Variants in RBFOX1 observed in about 807,000 individuals in gnomAD.
RBFOX1 encodes RNA binding fox-1 homolog 1.
In RBFOX1, 8 loss-of-function variants were observed where a neutral mutation model predicts 57.7. The observed-to-expected ratio is 0.14, with a 90% CI of 0.08 to 0.25. The LOEUF (loss-of-function observed/expected upper bound fraction) is 0.25, where lower values mean the gene tolerates loss of function less well. RBFOX1 is among the 10% of genes least tolerant of loss of function. The pLI is 1.00. For synonymous variants in RBFOX1, 326 were observed against 222.4 expected (o/e 1.47, Z -4.15); for missense variants, 611 against 548.5 (o/e 1.11, Z -1.14).
chr16:6,801,637 G>T (rs1219296301), intron 3 of RBFOX1, among the ~76,000 whole-genome samples: 1 of 151,928 alleles, frequency 6.6e-6, no homozygotes, highest in East Asian at 1.9e-4. Flanking sequence ...CAGCTAATTG[G>T]GCAGGAAAGG....
chr16:7,007,478 C>T (rs1453873144), intron 3 of RBFOX1, among the ~76,000 whole-genome samples: 6 of 152,084 alleles, frequency 3.9e-5, no homozygotes, highest in Non-Finnish European at 8.8e-5. Context: ...CTAGAAAATC[C>T]TATTTGTCAT....
intron 4 of RBFOX1, among the ~76,000 whole-genome samples, chr16:7,242,019 G>C (rs569476524): frequency 2.0e-5 from 3 of 151,300 alleles, no homozygotes; most frequent in Non-Finnish European, 4.4e-5. Flanking sequence ...CCCTTTTTTT[G>C]TGCAGTGTCC....
chr16:6,822,799 C>T lies in RBFOX1; in HGVS notation c.-16+168149C>T, dbSNP rs184463029. Among the ~76,000 whole-genome samples, 336 of 152,286 alleles carry T rather than the reference C, an allele frequency of 2.2e-3. 1 individual carries two copies. The highest frequency in any genetic ancestry group is 7.3e-3 in the African/African-American group (303 of 41,558). On this transcript the variant is annotated intron_variant, in intron 3 of 15. Transcript: ENST00000550418. ...ACAAGCGCGAGTATGGTCTGACTCTCCAACCAGGTTAAGCCTTTTGAGAGC... is the reference window on the plus strand; with the variant it reads ...ACAAGCGCGAGTATGGTCTGACTCTTCAACCAGGTTAAGCCTTTTGAGAGC...
chr16:5,327,955 A>G (rs1020273998), intron 1 of RBFOX1, among the ~76,000 whole-genome samples: 5 of 152,130 alleles, frequency 3.3e-5, no homozygotes, highest in Admixed American at 2.0e-4. Context: ...GATTATTTCT[A>G]CGAGTGAGGA....
intron 2 of RBFOX1, among the ~76,000 whole-genome samples, chr16:6,460,449 A>T (rs1439409552): frequency 6.8e-6 from 1 of 146,990 alleles, no homozygotes; most frequent in Admixed American, 7.1e-5. Flanking sequence ...CTATGAACAG[A>T]CACTTCTCAA....
chr16:7,184,462 C>T lies in RBFOX1; in HGVS notation c.27+132364C>T, dbSNP rs111342994. On this transcript the variant is annotated intron_variant, in intron 4 of 15. Transcript: ENST00000550418. ...ATGACCCAGGGTGTCTGTTCATCTGCATTGCATGCATGTTTTTACCTCCTC... is the reference window on the plus strand; with the variant it reads ...ATGACCCAGGGTGTCTGTTCATCTGTATTGCATGCATGTTTTTACCTCCTC... 1.7e-3 allele frequency among the ~76,000 whole-genome samples: 257 copies of T among 152,334 alleles called. 1 individual carries two copies. The highest frequency in any genetic ancestry group is 5.9e-3 in the African/African-American group (247 of 41,590).
At chr16:5,793,785 G>A (rs1490691031) in intron 3 of RBFOX1, among the ~76,000 whole-genome samples, 1 of 152,020 alleles carries the variant, frequency 6.6e-6, no homozygotes, top group Non-Finnish European at 1.5e-5. Context: ...ATGTGCATGT[G>A]CATGTGTGTG....
In RBFOX1 at chr16:6,960,920, G is replaced by T. The variant is rs533067763; in HGVS notation, c.-15-91137G>T. Reference sequence around the variant, plus strand: ...AGGCCAAGGTGGGCGGATCACTTGAGGTCAGGAGACCAGCCTGGCCAACGT... The same window carrying T: ...AGGCCAAGGTGGGCGGATCACTTGATGTCAGGAGACCAGCCTGGCCAACGT... On this transcript the variant is annotated intron_variant, in intron 3 of 15. Coordinates refer to ENST00000550418, the MANE Select transcript of RBFOX1 (RefSeq NM_018723.4). Among the ~76,000 whole-genome samples, 5 of 149,944 alleles carry T rather than the reference G, an allele frequency of 3.3e-5. No individual in the cohort carries two copies. In the East Asian group the frequency reaches 9.9e-4, roughly 30 times the overall value.
intron 4 of RBFOX1, among the ~76,000 whole-genome samples, chr16:7,136,686 G>A (rs2072090373): frequency 6.6e-6 from 1 of 152,064 alleles, no homozygotes; most frequent in Non-Finnish European, 1.5e-5. Flanking sequence ...CAAAGTGTTG[G>A]GATTACGGGT....
In RBFOX1 at chr16:7,591,651, A is replaced by C. The variant is rs75118593; in HGVS notation, c.469-3898A>C. Among the ~76,000 whole-genome samples, 613 of 152,160 alleles carry C rather than the reference A, an allele frequency of 4.0e-3. 4 individuals carry two copies. Among genetic ancestry groups the C allele is most frequent in the African/African-American group, 0.014 (585 of 41,504 alleles). On this transcript the variant is annotated intron_variant, in intron 7 of 15. Coordinates refer to ENST00000550418, the MANE Select transcript of RBFOX1 (RefSeq NM_018723.4). ...CTTTTCTTCAGTAGCATTAAAGGTAAACTCTGGGAAGGTGTGTCTCTGACT... is the reference window on the plus strand; with the variant it reads ...CTTTTCTTCAGTAGCATTAAAGGTACACTCTGGGAAGGTGTGTCTCTGACT...
intron 4 of RBFOX1, among the ~76,000 whole-genome samples, chr16:7,383,978 C>G (rs1204440277): frequency 6.6e-6 from 1 of 151,098 alleles, no homozygotes; most frequent in Admixed American, 6.6e-5. Flanking sequence ...CACTTGAACC[C>G]AGTAGGTGGA....
intron 4 of RBFOX1, among the ~76,000 whole-genome samples, chr16:7,154,404 G>T (rs1232862298): frequency 6.6e-6 from 1 of 152,178 alleles, no homozygotes; most frequent in African/African-American, 2.4e-5. Context: ...GAATGTGGGA[G>T]GAAGTTTGAA....
In RBFOX1 at chr16:6,190,193, A is replaced by G. The variant is rs981437424; in HGVS notation, c.-126-126802A>G. Among the ~76,000 whole-genome samples the G allele has an allele frequency of 8.5e-5, 13 of 152,324 alleles. No homozygotes were observed. In the East Asian group the frequency reaches 1.5e-3, roughly 18 times the overall value. ...GTGCTTCAAATTCTGTAGATGTTCA[A>G]TAAGTATTTAAATCAATGAATGAAT... On this transcript the variant is annotated intron_variant, in intron 1 of 15. Transcript: ENST00000550418.
intron 4 of RBFOX1, among the ~76,000 whole-genome samples, chr16:7,411,363 G>A (rs1472421287): frequency 6.6e-6 from 1 of 151,990 alleles, no homozygotes; most frequent in Non-Finnish European, 1.5e-5. Flanking sequence ...TTCCCCGACA[G>A]TGTATGGAAT....
chr16:7,241,370 G>A (rs997363573), intron 4 of RBFOX1, among the ~76,000 whole-genome samples: 4 of 152,174 alleles, frequency 2.6e-5, no homozygotes, highest in African/African-American at 7.2e-5. Context: ...GAAAGAGCAT[G>A]TGATTCCCTG....
intron 3 of RBFOX1, among the ~76,000 whole-genome samples, chr16:6,762,754 T>A (rs2076795960): frequency 6.6e-6 from 1 of 151,502 alleles, no homozygotes. Flanking sequence ...TAAAGAGCCT[T>A]ACCCCAAGGG....
At chr16:7,490,278 A>G (rs954856392) in intron 4 of RBFOX1, among the ~76,000 whole-genome samples, 3 of 152,202 alleles carry the variant, frequency 2.0e-5, no homozygotes, top group African/African-American at 7.2e-5. Flanking sequence ...TTCATAATAG[A>G]TAAGTGTGCA....
chr16:7,352,801 G>A (rs990136612), intron 4 of RBFOX1, among the ~76,000 whole-genome samples: 4 of 151,978 alleles, frequency 2.6e-5, no homozygotes, highest in East Asian at 1.9e-4. Context: ...CTGCAGCTTC[G>A]ACCTCTTGGG....
chr16:7,278,342 G>A (rs568032743), intron 4 of RBFOX1, among the ~76,000 whole-genome samples: 2 of 152,286 alleles, frequency 1.3e-5, no homozygotes, highest in East Asian at 3.9e-4. Flanking sequence ...TCTAGATGGT[G>A]AAGTCTTAAA....
Sources: allele counts gnomAD v4.1 joint callset (sites outside exome capture counted in the v4.1 genomes callset), GRCh38; gene constraint gnomAD v4.1.1; transcripts MANE v1.5; gene names NCBI Gene and HGNC (gene_info 2026-07-23, HGNC 2026-07-21).